The following EPB41L4B variants were observed in gnomAD, a reference collection of about 807,000 sequenced individuals.
EPB41L4B encodes the protein erythrocyte membrane protein band 4.1 like 4B, also known as band 4.1-like protein 4B.
Under a neutral mutation model 112.5 loss-of-function variants are expected in EPB41L4B, and 30 were observed. The ratio of observed to expected loss-of-function variants is 0.27; its 90% CI spans 0.20 to 0.36. EPB41L4B has a LOEUF of 0.36. EPB41L4B is among the 10% of genes least tolerant of loss of function. The pLI, the probability that EPB41L4B is intolerant of heterozygous loss-of-function variation, is 1.00. For synonymous variants in EPB41L4B, 408 were observed against 439.7 expected (o/e 0.93, Z 0.90); for missense variants, 1,024 against 1,133.3 (o/e 0.90, Z 1.38).
chr9:109,260,093 A>C (rs1032087223), intron 6 of EPB41L4B, among the ~76,000 whole-genome samples: 2 of 152,112 alleles, frequency 1.3e-5, no homozygotes, highest in African/African-American at 4.8e-5. Context: ...TCTTTTGAGA[A>C]AGGGTCTTAG....
chr9:109,200,375 G>A (rs762459456), intron 19 of EPB41L4B, 41 bp from the exon 20 acceptor site: 3 of 1,513,362 alleles, frequency 2.0e-6, no homozygotes, highest in Non-Finnish European at 2.8e-6. Flanking sequence ...CATCAAAAAA[G>A]GTTTATGGTC....
At chr9:109,175,038 T>A (rs1831767676) in intron 25 of EPB41L4B, among the ~76,000 whole-genome samples, 1 of 147,546 alleles carries the variant, frequency 6.8e-6, no homozygotes, top group African/African-American at 2.5e-5. Context: ...TGTCTCAGCC[T>A]CCAGCATAGC....
chr9:109,262,452 G>GTGGGTGT (rs34849317), intron 6 of EPB41L4B, among the ~76,000 whole-genome samples: 3 of 149,556 alleles, frequency 2.0e-5, no homozygotes, highest in Non-Finnish European at 4.5e-5. Flanking sequence ...TGTGTGTGGG[G>GTGGGTGT]GTGTGTGTGT....
At chr9:109,192,540 A>G (rs1444010973) in intron 21 of EPB41L4B, among the ~76,000 whole-genome samples, 185 bp from the exon 22 acceptor site, 2 of 152,202 alleles carry the variant, frequency 1.3e-5, no homozygotes, top group Non-Finnish European at 2.9e-5. Context: ...CAATTTTTTC[A>G]TAGGTAGAAG....
At chr9:109,312,482 G>A (rs568811815) in intron 1 of EPB41L4B, among the ~76,000 whole-genome samples, 5 of 152,178 alleles carry the variant, frequency 3.3e-5, no homozygotes, top group South Asian at 2.1e-4. Context: ...CATCCAGCTC[G>A]GAACCTCTGG....
chr9:109,244,312 T>G, intron 14 of EPB41L4B, among the ~76,000 whole-genome samples: 1 of 143,638 alleles, frequency 7.0e-6, no homozygotes, highest in Non-Finnish European at 1.5e-5. Context: ...AGGGAGAGAG[T>G]TTGAGAAGAA....
intron 24 of EPB41L4B, among the ~76,000 whole-genome samples, chr9:109,179,147 T>C (rs926122721): frequency 2.0e-5 from 3 of 152,180 alleles, no homozygotes; most frequent in Non-Finnish European, 4.4e-5. Context: ...CCACCCTAGA[T>C]GGACCAACAT....
intron 14 of EPB41L4B, among the ~76,000 whole-genome samples, chr9:109,243,906 C>A (rs1006727906): frequency 1.3e-5 from 2 of 152,166 alleles, no homozygotes; most frequent in Non-Finnish European, 1.5e-5. Flanking sequence ...TCTCCAGAGG[C>A]GGCTCCCTGT....
intron 20 of EPB41L4B, among the ~76,000 whole-genome samples, chr9:109,195,796 A>G (rs533053127): frequency 3.7e-4 from 57 of 152,320 alleles, no homozygotes; most frequent in African/African-American, 1.3e-3. Flanking sequence ...TTTTCACAGA[A>G]GGGAGTCAAC....
rs1837806843 is a variant in EPB41L4B at position 109,320,166 on chromosome 9, C to G, written c.281G>C (p.Gly94Ala). 4.7e-6 allele frequency: 7 copies of G among 1,483,888 alleles called. No homozygotes were observed. Among genetic ancestry groups the G allele is most frequent in the Non-Finnish European group, 6.3e-6 (7 of 1,114,484 alleles). The allele number at this position is 1,483,888 out of a possible 1,614,324, so 91.9% of individuals were successfully genotyped here. ...TLYCRVFLLD[G>A]TEVSVDLPKH... ...CGGCAGGTCCACGCTCACTTCGGTC[C>G]CGTCGAGCAGGAAGACGCGGCAGTA... Residue 94 changes from glycine to alanine, a missense_variant, in exon 1 of 26, where the codon GGG (glycine) becomes GCG (alanine). By Grantham distance (60) the Gly-to-Ala change is moderately conservative (BLOSUM62 0). Transcript: ENST00000374566.
chr9:109,213,780 C>A lies in EPB41L4B; in HGVS notation c.1672G>T (p.Ala558Ser), dbSNP rs760195394. ...AGTTCCAGCTTCTTTAGATGGGCAG[C>A]GGCTTCACTGAACAAGGCAGGTGTT... ...PGTPALFSEA[A>S]AHLKKLELET... is the part of the protein sequence containing the mutation. Residue 558 changes from alanine to serine, a missense_variant, in exon 17 of 26, where the codon GCT becomes TCT. Transcript: ENST00000374566. The A allele has an allele frequency of 1.2e-6, 2 of 1,614,088 alleles. No individual in the cohort carries two copies. Among genetic ancestry groups the A allele is most frequent in the East Asian group, 4.5e-5 (2 of 44,866 alleles).
At chr9:109,221,749 CAA>C (rs1407422591) in intron 15 of EPB41L4B, among the ~76,000 whole-genome samples, 10 of 152,152 alleles carry the variant, frequency 6.6e-5, no homozygotes, top group African/African-American at 2.4e-4. Flanking sequence ...ACGTGGGTAA[CAA>C]AGAGTGTGAG....
chr9:109,270,556 A>G (rs1367582109), intron 2 of EPB41L4B, among the ~76,000 whole-genome samples: 2 of 152,236 alleles, frequency 1.3e-5, no homozygotes, highest in Non-Finnish European at 2.9e-5. Flanking sequence ...TTTAAGCCCA[A>G]TATTTACTTT....
At chr9:109,240,952 A>G (rs977705845) in intron 15 of EPB41L4B, 1 of 985,390 alleles carries the variant, frequency 1.0e-6, no homozygotes, top group Non-Finnish European at 1.2e-6. Flanking sequence ...GACTGCTTAA[A>G]TTCAAAGTAG....
At chr9:109,212,012 G>A (rs568939925) in intron 17 of EPB41L4B, among the ~76,000 whole-genome samples, 1 of 152,040 alleles carries the variant, frequency 6.6e-6, no homozygotes, top group East Asian at 1.9e-4. Context: ...GAACCACCAT[G>A]CCAGGCCAAT....
intron 15 of EPB41L4B, among the ~76,000 whole-genome samples, chr9:109,226,335 G>T (rs149674131): frequency 2.6e-5 from 4 of 152,146 alleles, no homozygotes; most frequent in South Asian, 2.1e-4. Context: ...TGTGGCTCCA[G>T]CTCCCTCTAG....
intron 1 of EPB41L4B, among the ~76,000 whole-genome samples, chr9:109,308,469 G>A (rs2119253332): frequency 6.6e-6 from 1 of 152,334 alleles, no homozygotes; most frequent in Non-Finnish European, 1.5e-5. Context: ...AAGGTGAAGA[G>A]AAGGTTTTTA....
chr9:109,241,755 G>A, intron 15 of EPB41L4B: 2 of 1,614,184 alleles, frequency 1.2e-6, no homozygotes, highest in Non-Finnish European at 1.7e-6. Flanking sequence ...CAAAATGGCT[G>A]TCATCTCCAC....
intron 1 of EPB41L4B, among the ~76,000 whole-genome samples, chr9:109,281,504 A>T (rs921506005): frequency 9.9e-5 from 15 of 152,136 alleles, no homozygotes; most frequent in African/African-American, 3.6e-4. Flanking sequence ...GGAGTTCAAG[A>T]CCAGCCTGGC....
Sources: allele counts gnomAD v4.1 joint callset (sites outside exome capture counted in the v4.1 genomes callset), GRCh38; gene constraint gnomAD v4.1.1; transcripts MANE v1.5; gene names NCBI Gene and HGNC (gene_info 2026-07-23, HGNC 2026-07-21).